The following EPSTI1 variants were observed in gnomAD, a reference collection of about 807,000 sequenced individuals.
EPSTI1 encodes the protein epithelial-stromal interaction protein 1.
EPSTI1 carries 66 observed loss-of-function variants against 49.9 expected under a neutral mutation model. The observed-to-expected ratio is 1.32, with a 90% CI of 1.08 to 1.62. EPSTI1 has a LOEUF of 1.62. Among genes scored for constraint, EPSTI1 ranks in the 40% most tolerant of loss-of-function variants. The pLI is 0.00. For missense variants in EPSTI1, 394 were observed against 365.5 expected, an observed-to-expected ratio of 1.08 and a Z score of -0.64; for synonymous variants, 137 against 130.7, an observed-to-expected ratio of 1.05 and a Z score of -0.33.
Position 42,966,720 on chromosome 13 carries a change from C to T in EPSTI1, c.331+2374G>A, listed in dbSNP as rs1486346499. On this transcript the variant is annotated intron_variant, in intron 3 of 10. Transcript: ENST00000313624. ...GGGGTCAGCCCCCCGCCCGGCCAGC[C>T]GCCCCGTCCGGGAGGTGAGGGGCGC... is the stretch of plus-strand genomic sequence containing the variant. 6.8e-5 allele frequency among the ~76,000 whole-genome samples: 6 copies of T among 87,840 alleles called. 2 individuals are homozygous for T. The highest frequency in any genetic ancestry group is 5.2e-5 in the Non-Finnish European group (2 of 38,618). The allele number at this position is 87,840 out of a possible 152,430, so 57.6% of individuals were successfully genotyped here. A position where few individuals can be genotyped will look rare whatever the true frequency, so the allele number is the denominator to read the frequency against.
chr13:42,907,515 T>A (rs914358610), intron 8 of EPSTI1, among the ~76,000 whole-genome samples: 4 of 152,214 alleles, frequency 2.6e-5, no homozygotes, highest in Non-Finnish European at 5.9e-5. Flanking sequence ...ATTTTTACTT[T>A]TAGGAAACTC....
intron 6 of EPSTI1, among the ~76,000 whole-genome samples, chr13:42,931,025 C>A (rs1160510804): frequency 1.3e-5 from 2 of 152,186 alleles, no homozygotes; most frequent in Non-Finnish European, 2.9e-5. Flanking sequence ...CATCTGCATT[C>A]TGGCCAATGA....
intron 7 of EPSTI1, among the ~76,000 whole-genome samples, chr13:42,918,230 G>T (rs143628496): frequency 1.3e-4 from 20 of 152,306 alleles, no homozygotes; most frequent in African/African-American, 4.3e-4. Flanking sequence ...GCACATGAGG[G>T]AGAATGCCCT....
intron 1 of EPSTI1, among the ~76,000 whole-genome samples, chr13:42,972,059 G>C (rs1473004372): frequency 6.6e-6 from 1 of 152,158 alleles, no homozygotes; most frequent in East Asian, 1.9e-4. Context: ...CAATCCCGTG[G>C]GTAGTCCCTG....
intron 1 of EPSTI1, among the ~76,000 whole-genome samples, chr13:42,983,716 G>A (rs1217387547): frequency 6.6e-6 from 1 of 151,428 alleles, no homozygotes; most frequent in African/African-American, 2.4e-5. Context: ...CACTCAAAAA[G>A]CCATGAGATC....
intron 1 of EPSTI1, among the ~76,000 whole-genome samples, 192 bp downstream of exon 1, chr13:42,991,786 G>C (rs563023681): frequency 6.6e-6 from 1 of 152,330 alleles, no homozygotes; most frequent in South Asian, 2.1e-4. Flanking sequence ...TTTACCAAAG[G>C]ACTGCAAACT....
At chr13:42,977,475 C>T (rs968019775) in intron 1 of EPSTI1, among the ~76,000 whole-genome samples, 1 of 152,218 alleles carries the variant, frequency 6.6e-6, no homozygotes, top group Non-Finnish European at 1.5e-5. Context: ...TTCTAGAAAG[C>T]CTCCTTTAAG....
At chr13:42,985,909 C>T (rs1014156324) in intron 1 of EPSTI1, among the ~76,000 whole-genome samples, 38 of 152,202 alleles carry the variant, frequency 2.5e-4, no homozygotes, top group African/African-American at 8.2e-4. Flanking sequence ...AAAACCCTTG[C>T]CCAGAACCCA....
At chr13:42,900,123 C>T (rs910530323) in intron 9 of EPSTI1, among the ~76,000 whole-genome samples, 187 bp downstream of exon 9, 8 of 152,154 alleles carry the variant, frequency 5.3e-5, no homozygotes, top group Non-Finnish European at 1.0e-4. Flanking sequence ...TATGTACACA[C>T]GTGTGTACTT....
intron 8 of EPSTI1, 54 bp downstream of exon 8, chr13:42,917,487 T>C: frequency 7.1e-7 from 1 of 1,414,744 alleles, no homozygotes; most frequent in Non-Finnish European, 9.9e-7. Context: ...TCTTCAAAAT[T>C]ATCTAGTACC....
At chr13:42,941,597 G>A (rs2038750759) in intron 6 of EPSTI1, among the ~76,000 whole-genome samples, 1 of 148,408 alleles carries the variant, frequency 6.7e-6, no homozygotes, top group Admixed American at 6.7e-5. Context: ...TCTAGCCTGG[G>A]TGACAGAGCA....
intron 10 of EPSTI1, among the ~76,000 whole-genome samples, chr13:42,892,553 AGGG>A (rs1369877936): frequency 6.6e-6 from 1 of 152,144 alleles, no homozygotes; most frequent in Non-Finnish European, 1.5e-5. Flanking sequence ...ACTAGGGTAA[AGGG>A]GATCAAAGGT....
chr13:42,942,577 T>C (rs947624436), intron 6 of EPSTI1, among the ~76,000 whole-genome samples: 3 of 150,798 alleles, frequency 2.0e-5, no homozygotes, highest in Non-Finnish European at 4.4e-5. Context: ...AAAAAACTTA[T>C]TGTAGTTCAT....
chr13:42,970,487 A>C (rs2039738518), intron 2 of EPSTI1, 125 bp downstream of exon 2: 9 of 791,322 alleles, frequency 1.1e-5, no homozygotes, highest in Non-Finnish European at 1.5e-5. Context: ...ACTAAAAAAA[A>C]CAAAAAACCT....
chr13:42,964,759 T>C (rs1388562890), intron 3 of EPSTI1, among the ~76,000 whole-genome samples: 3 of 152,220 alleles, frequency 2.0e-5, no homozygotes, highest in African/African-American at 7.2e-5. Flanking sequence ...TGTTAGATTA[T>C]TTACTTGCTC....
At chr13:42,951,605 G>T (rs2039099126) in intron 6 of EPSTI1, among the ~76,000 whole-genome samples, 1 of 152,160 alleles carries the variant, frequency 6.6e-6, no homozygotes, top group South Asian at 2.1e-4. Context: ...TTGATCTTCT[G>T]TATTTAGTAA....
At position 42,985,175 on chromosome 13, in the gene EPSTI1, AT is replaced by A; in HGVS notation, c.188+6802del. Among the ~76,000 whole-genome samples, 6 of 152,314 alleles carry A rather than the reference AT, an allele frequency of 3.9e-5. No homozygotes were observed. In the South Asian group the frequency reaches 1.2e-3, roughly 32 times the overall value. ...GAGAGGCCCTCCCAAAGAAAATCAT[AT>A]TTATTCTGGATTGAGCATTGCAATG... On this transcript the variant is annotated intron_variant, in intron 1 of 10. Coordinates refer to ENST00000313624, the MANE Select transcript of EPSTI1 (RefSeq NM_033255.5).
chr13:42,889,241 C>A (rs1388183385), intron 10 of EPSTI1: 4 of 1,543,350 alleles, frequency 2.6e-6, no homozygotes, highest in East Asian at 4.6e-5. Context: ...TAATAGAGAA[C>A]CCTAGAAAAA....
chr13:42,925,810 G>C (rs897769036), intron 7 of EPSTI1, among the ~76,000 whole-genome samples: 1 of 152,174 alleles, frequency 6.6e-6, no homozygotes, highest in Non-Finnish European at 1.5e-5. Context: ...CATTTCCCAA[G>C]AAGCATCTAA....
Sources: gnomAD v4.1 joint callset for allele counts (sites outside exome capture counted in the v4.1 genomes callset) on GRCh38, gnomAD v4.1.1 for gene constraint, MANE v1.5 for transcripts, NCBI Gene and HGNC (gene_info 2026-07-23, HGNC 2026-07-21) for gene names.